The following SLC25A17 variants were observed in gnomAD, a reference collection of about 807,000 sequenced individuals.
The protein encoded by SLC25A17 is solute carrier family 25 member 17.
A neutral mutation model predicts 38.5 loss-of-function variants in SLC25A17; 26 were observed. The observed-to-expected ratio is 0.68, with a 90% CI of 0.50 to 0.94. The LOEUF (loss-of-function observed/expected upper bound fraction) is 0.94. Among genes scored for constraint, SLC25A17 ranks in the 40% least tolerant of loss-of-function variants. The pLI is 0.00. For synonymous variants in SLC25A17, 139 were observed against 136.2 expected (o/e 1.02, Z -0.14); for missense variants, 333 against 372.7 (o/e 0.89, Z 0.88).
At chr22:40,778,368 T>C (rs1185527508) in intron 5 of SLC25A17, among the ~76,000 whole-genome samples, 3 of 152,130 alleles carry the variant, frequency 2.0e-5, no homozygotes, top group East Asian at 1.9e-4. Flanking sequence ...GTTTATACCA[T>C]TGGGTGTGTC....
intron 1 of SLC25A17, among the ~76,000 whole-genome samples, chr22:40,815,961 C>T (rs886668392): frequency 1.3e-5 from 2 of 152,110 alleles, no homozygotes; most frequent in Admixed American, 6.5e-5. Context: ...CCAAGGCAGG[C>T]GGATCACCTG....
At chr22:40,808,234 T>A (rs2057547020) in intron 1 of SLC25A17, among the ~76,000 whole-genome samples, 1 of 152,230 alleles carries the variant, frequency 6.6e-6, no homozygotes, top group African/African-American at 2.4e-5. Flanking sequence ...CATTTTTAAT[T>A]ACAACACTCT....
At chr22:40,801,091 C>T (rs2057476529) in intron 1 of SLC25A17, among the ~76,000 whole-genome samples, 1 of 144,808 alleles carries the variant, frequency 6.9e-6, no homozygotes, top group African/African-American at 2.6e-5. Flanking sequence ...GCAAAAGAGA[C>T]TCTGTCTCAA....
chr22:40,800,777 G>A (rs377500905), intron 1 of SLC25A17, among the ~76,000 whole-genome samples: 1 of 141,364 alleles, frequency 7.1e-6, no homozygotes, highest in Non-Finnish European at 1.5e-5. Flanking sequence ...GTGACAAAGC[G>A]AGAGTCTGCC....
At chr22:40,819,133 G>C in intron 1 of SLC25A17, 62 bp downstream of exon 1, 1 of 1,570,042 alleles carries the variant, frequency 6.4e-7, no homozygotes, top group Non-Finnish European at 8.7e-7. Context: ...GGCATATCCC[G>C]GGACTGGCCC....
At chr22:40,809,839 T>C (rs2057562986) in intron 1 of SLC25A17, among the ~76,000 whole-genome samples, 1 of 152,168 alleles carries the variant, frequency 6.6e-6, no homozygotes, top group South Asian at 2.1e-4. Context: ...CATTATTATA[T>C]ACTATCATCT....
chr22:40,814,644 TGA>T (rs1339850318), intron 1 of SLC25A17, among the ~76,000 whole-genome samples: 1 of 151,980 alleles, frequency 6.6e-6, no homozygotes, highest in East Asian at 1.9e-4. Flanking sequence ...TGGTTATCCA[TGA>T]CCTTAAACCA....
chr22:40,773,629 A>T (rs1485236996), intron 8 of SLC25A17, among the ~76,000 whole-genome samples: 1 of 152,204 alleles, frequency 6.6e-6, no homozygotes, highest in African/African-American at 2.4e-5. Flanking sequence ...AAGAGGCATC[A>T]TAGGATATGC....
chr22:40,791,012 T>C (rs1253349530), intron 4 of SLC25A17, among the ~76,000 whole-genome samples: 1 of 152,218 alleles, frequency 6.6e-6, no homozygotes, highest in East Asian at 1.9e-4. Flanking sequence ...CTTTGAAAAC[T>C]ACTCTCCTAG....
At chr22:40,800,646 C>T (rs2057472414) in intron 1 of SLC25A17, among the ~76,000 whole-genome samples, 1 of 152,052 alleles carries the variant, frequency 6.6e-6, no homozygotes, top group African/African-American at 2.4e-5. Context: ...ATTCTCTGGC[C>T]TCAACTTCCC....
intron 1 of SLC25A17, among the ~76,000 whole-genome samples, chr22:40,811,628 T>A (rs370444493): frequency 6.6e-6 from 1 of 151,958 alleles, no homozygotes; most frequent in Non-Finnish European, 1.5e-5. Flanking sequence ...AGGTGGCTTA[T>A]GATCATGGTG....
chr22:40,808,281 T>C (rs573338291), intron 1 of SLC25A17, among the ~76,000 whole-genome samples: 210 of 152,332 alleles, frequency 1.4e-3, no homozygotes, highest in African/African-American at 4.9e-3. Flanking sequence ...CATTCAGTGT[T>C]GGGAGAATAA....
At chr22:40,800,702 C>T (rs879621016) in intron 1 of SLC25A17, among the ~76,000 whole-genome samples, 1 of 151,056 alleles carries the variant, frequency 6.6e-6, no homozygotes, top group Non-Finnish European at 1.5e-5. Flanking sequence ...TGGCTTCATA[C>T]AGTATTTTAA....
At chr22:40,783,703 T>G (rs900381142) in intron 4 of SLC25A17, among the ~76,000 whole-genome samples, 3 of 151,966 alleles carry the variant, frequency 2.0e-5, no homozygotes, top group African/African-American at 7.2e-5. Flanking sequence ...TCTAAAATGG[T>G]ACCTCTTTTT....
intron 1 of SLC25A17, among the ~76,000 whole-genome samples, chr22:40,818,563 G>C (rs1167846221): frequency 1.3e-5 from 2 of 152,054 alleles, no homozygotes; most frequent in Admixed American, 6.6e-5. Context: ...AAATGTAGCC[G>C]GGTGTGGTGG....
At chr22:40,797,040 G>A (rs1040372200) in intron 2 of SLC25A17, among the ~76,000 whole-genome samples, 2 of 152,194 alleles carry the variant, frequency 1.3e-5, no homozygotes, top group Middle Eastern at 3.4e-3. Context: ...ATTCTTATTC[G>A]CTTGTTATTC....
chr22:40,806,307 G>A (rs746503749), intron 1 of SLC25A17, among the ~76,000 whole-genome samples: 8 of 152,294 alleles, frequency 5.3e-5, no homozygotes, highest in East Asian at 1.9e-4. Flanking sequence ...GTTAGAAAAC[G>A]TAAGTGTAAA....
chr22:40,793,479 A>G, intron 3 of SLC25A17, among the ~76,000 whole-genome samples: 1 of 152,256 alleles, frequency 6.6e-6, no homozygotes, highest in East Asian at 1.9e-4. Flanking sequence ...AAAGGCAGGC[A>G]GACAATATGT....
intron 7 of SLC25A17, among the ~76,000 whole-genome samples, chr22:40,775,961 A>C (rs1011365414): frequency 3.3e-5 from 5 of 152,184 alleles, no homozygotes; most frequent in Non-Finnish European, 7.3e-5. Flanking sequence ...CAGCATGAGA[A>C]TGGACTAACA....
Sources: gnomAD v4.1 joint callset for allele counts (sites outside exome capture counted in the v4.1 genomes callset) on GRCh38, gnomAD v4.1.1 for gene constraint, MANE v1.5 for transcripts, NCBI Gene and HGNC (gene_info 2026-07-23, HGNC 2026-07-21) for gene names.